Variants in MGST1 observed in about 807,000 individuals in gnomAD.
MGST1 encodes the protein microsomal glutathione S-transferase 1.
In MGST1, 5 loss-of-function variants were observed where a neutral mutation model predicts 8.9. That is an observed-to-expected ratio of 0.56 (90% CI 0.29 to 1.19). The LOEUF (loss-of-function observed/expected upper bound fraction) is 1.19. Among genes scored for constraint, MGST1 ranks in the 50% most tolerant of loss-of-function variants. The pLI, the probability that MGST1 is intolerant of heterozygous loss-of-function variation, is 0.08. For synonymous variants in MGST1, 54 were observed against 67.8 expected, an observed-to-expected ratio of 0.80 and a Z score of 1.00; for missense variants, 182 against 187.4, an observed-to-expected ratio of 0.97 and a Z score of 0.17.
intron 4 of MGST1, among the ~76,000 whole-genome samples, chr12:16,527,110 A>G (rs749805542): frequency 1.3e-5 from 2 of 151,992 alleles, no homozygotes; most frequent in Non-Finnish European, 2.9e-5. Context: ...TTGCCCATCA[A>G]TACAAATACC....
In MGST1 at chr12:16,413,091, A is replaced by G. The variant is rs1397574443; in HGVS notation, n.779-24297A>G. Reference sequence around the variant, plus strand: ...AGTGAAGGTGGTTAATTTAGGGGTGAGTTGTGTGGCTACTCAATGAACATC... The same window carrying G: ...AGTGAAGGTGGTTAATTTAGGGGTGGGTTGTGTGGCTACTCAATGAACATC... On this transcript the variant is annotated intron_variant and non_coding_transcript_variant, in intron 1 of 1. Coordinates refer to the MGST1 transcript ENST00000359720. The surrounding 1 kb of genome is among the most constrained non-coding windows in gnomAD (Gnocchi z 4.0). 6.6e-6 allele frequency among the ~76,000 whole-genome samples: 1 copy of G among 152,114 alleles called. No homozygotes were observed. Among genetic ancestry groups the G allele is most frequent in the Admixed American group, 6.6e-5 (1 of 15,260 alleles).
At chr12:16,382,407 A>T (rs953366922), upstream of MGST1, among the ~76,000 whole-genome samples, 1 of 152,222 alleles carries the variant, frequency 6.6e-6, no homozygotes, top group Admixed American at 6.5e-5. Flanking sequence ...GGTCCACTCC[A>T]GACCCTGTTT....
At chr12:16,469,380 G>A (rs1398375645) in intron 4 of MGST1, among the ~76,000 whole-genome samples, 1 of 151,972 alleles carries the variant, frequency 6.6e-6, no homozygotes, top group Admixed American at 6.6e-5. Context: ...GTAGAGACAA[G>A]GTTTCACCAT....
downstream of MGST1, among the ~76,000 whole-genome samples, chr12:16,368,966 T>C (rs1056724221): frequency 3.3e-5 from 5 of 152,234 alleles, no homozygotes; most frequent in Non-Finnish European, 5.9e-5. Flanking sequence ...AAGCCAGACA[T>C]AATTTTTAAT....
chr12:16,385,800 TGA>T (rs1444091644), intron 1 of MGST1, among the ~76,000 whole-genome samples: 1 of 152,112 alleles, frequency 6.6e-6, no homozygotes. Flanking sequence ...AAATGCTAAT[TGA>T]TAGATCAGCA....
At chr12:16,470,367 G>A (rs1941283515) in intron 4 of MGST1, among the ~76,000 whole-genome samples, 1 of 152,172 alleles carries the variant, frequency 6.6e-6, no homozygotes, top group Admixed American at 6.5e-5. Flanking sequence ...ATTCCAATTA[G>A]GTTGAGTTTG....
intron 2 of MGST1, among the ~76,000 whole-genome samples, chr12:16,355,922 C>G (rs1177580762): frequency 6.6e-6 from 1 of 152,104 alleles, no homozygotes; most frequent in African/African-American, 2.4e-5. Flanking sequence ...TCTGGTAAGT[C>G]TAAAATCAAG....
downstream of MGST1, among the ~76,000 whole-genome samples, chr12:16,439,057 T>G (rs998131168): frequency 6.6e-6 from 1 of 151,322 alleles, no homozygotes; most frequent in Non-Finnish European, 1.5e-5. Flanking sequence ...AGATGAAAGG[T>G]GAAGAATCTC....
intron 4 of MGST1, among the ~76,000 whole-genome samples, chr12:16,521,558 T>C (rs910063827): frequency 2.6e-5 from 4 of 151,970 alleles, no homozygotes; most frequent in Non-Finnish European, 5.9e-5. Flanking sequence ...AACTACAGAG[T>C]TCAGCATTTA....
In MGST1 at chr12:16,547,054, C is replaced by T. The variant is rs963313108; in HGVS notation, n.483-42474C>T. On this transcript the variant is annotated intron_variant and non_coding_transcript_variant, in intron 4 of 4. Transcript: ENST00000538857. The surrounding 1 kb of genome is among the most constrained non-coding windows in gnomAD (Gnocchi z 4.6). ...ATTATAAAAGTAAAAATATACCTTTCTGAATAATACTTTTCTAATAGCATG... is the reference window on the plus strand; with the variant it reads ...ATTATAAAAGTAAAAATATACCTTTTTGAATAATACTTTTCTAATAGCATG... Among the ~76,000 whole-genome samples, 1 of 152,114 alleles carries T rather than the reference C, an allele frequency of 6.6e-6. No individual in the cohort carries two copies. Among genetic ancestry groups the T allele is most frequent in the Admixed American group, 6.6e-5 (1 of 15,252 alleles).
At chr12:16,367,260 A>T (rs1940208590), downstream of MGST1, 1 of 152,068 alleles carries the variant, frequency 6.6e-6, no homozygotes, top group South Asian at 2.1e-4. Flanking sequence ...AGGCTGAGAG[A>T]TCCTTGTTGA....
chr12:16,419,554 A>G (rs1177850237), intron 1 of MGST1, among the ~76,000 whole-genome samples: 2 of 152,210 alleles, frequency 1.3e-5, no homozygotes, highest in Non-Finnish European at 2.9e-5. Flanking sequence ...AAGATACTGT[A>G]GGAAATATGG....
downstream of MGST1, among the ~76,000 whole-genome samples, chr12:16,377,808 T>C (rs897574995): frequency 3.4e-3 from 514 of 151,488 alleles, 5 homozygotes; most frequent in Non-Finnish European, 1.2e-3. Context: ...CCAGCACCTG[T>C]TGTTTCCTGA....
At chr12:16,430,946 G>C (rs541092099) in intron 1 of MGST1, among the ~76,000 whole-genome samples, 1 of 152,294 alleles carries the variant, frequency 6.6e-6, no homozygotes, top group East Asian at 1.9e-4. Context: ...TTGAAAATTT[G>C]TTATCTACAG....
At chr12:16,523,944 G>T (rs551151955) in intron 4 of MGST1, among the ~76,000 whole-genome samples, 2 of 152,074 alleles carry the variant, frequency 1.3e-5, no homozygotes, top group East Asian at 3.9e-4. Context: ...TTTATTTATC[G>T]GTTTCATGCC....
At chr12:16,487,544 A>G (rs1456658583) in intron 4 of MGST1, among the ~76,000 whole-genome samples, 1 of 152,216 alleles carries the variant, frequency 6.6e-6, no homozygotes, top group African/African-American at 2.4e-5. Context: ...GGAGGGAGAT[A>G]AAGAGGAGGC....
chr12:16,357,753 A>G, intron 3 of MGST1, 54 bp downstream of exon 3: 1 of 1,451,418 alleles, frequency 6.9e-7, no homozygotes, highest in Middle Eastern at 1.7e-4. Context: ...TTGGTCAAGG[A>G]GTTCAGTGAA....
At chr12:16,376,092 TA>T in intron 3 of MGST1, 1 of 1,279,570 alleles carries the variant, frequency 7.8e-7, no homozygotes, top group Non-Finnish European at 1.1e-6. Context: ...TGAAGGATAT[TA>T]AAAATCTTAT....
In MGST1 at chr12:16,450,932, A is replaced by G. The variant is rs1037523652; in HGVS notation, n.482+67328A>G. 5.3e-5 allele frequency among the ~76,000 whole-genome samples: 8 copies of G among 151,788 alleles called. No individual in the cohort carries two copies. The East Asian group carries it at 9.8e-4, about 19-fold the overall frequency. On this transcript the variant is annotated intron_variant and non_coding_transcript_variant, in intron 4 of 4. Transcript: ENST00000538857. Reference sequence around the variant, plus strand: ...AAATCTACAGCTCAAAGTTAGTACAATTATCTGAATTTGAATTGGTTTTCT... The same window carrying G: ...AAATCTACAGCTCAAAGTTAGTACAGTTATCTGAATTTGAATTGGTTTTCT...
Sources: allele counts gnomAD v4.1 joint callset (sites outside exome capture counted in the v4.1 genomes callset), GRCh38; gene constraint gnomAD v4.1.1; non-coding constraint Gnocchi (gnomAD v3.1); transcripts MANE v1.5; gene names NCBI Gene and HGNC (gene_info 2026-07-23, HGNC 2026-07-21).